The following DLGAP2 variants were observed in gnomAD, a reference collection of about 807,000 sequenced individuals.
The protein encoded by DLGAP2 is disks large-associated protein 2.
In DLGAP2, 26 loss-of-function variants were observed where a neutral mutation model predicts 100.3. The ratio of observed to expected loss-of-function variants is 0.26; its 90% CI spans 0.19 to 0.36. The LOEUF is 0.36. Among genes scored for constraint, DLGAP2 ranks in the 10% least tolerant of loss-of-function variants. The pLI is 1.00. For synonymous variants in DLGAP2, 886 were observed against 630.1 expected, an observed-to-expected ratio of 1.41 and a Z score of -6.08; for missense variants, 1,858 against 1,453.2, an observed-to-expected ratio of 1.28 and a Z score of -4.53.
chr8:1,641,644 G>C (rs1454268302), intron 8 of DLGAP2, among the ~76,000 whole-genome samples: 1 of 152,082 alleles, frequency 6.6e-6, no homozygotes, highest in African/African-American at 2.4e-5. Flanking sequence ...CATGTGTATG[G>C]GGATGGAGTC....
At chr8:837,652 T>C (rs1460449148) in intron 1 of DLGAP2, among the ~76,000 whole-genome samples, 1 of 140,122 alleles carries the variant, frequency 7.1e-6, no homozygotes, top group African/African-American at 2.5e-5. Flanking sequence ...TTGTAGAAAT[T>C]TGTTTGTGTG....
At chr8:1,152,055 C>T (rs1204981944) in intron 2 of DLGAP2, among the ~76,000 whole-genome samples, 2 of 152,196 alleles carry the variant, frequency 1.3e-5, no homozygotes, top group Admixed American at 1.3e-4. Flanking sequence ...TAGAAGATGA[C>T]AACTATATTC....
At position 1,076,929 on chromosome 8, in the gene DLGAP2, G is replaced by A. The variant is rs568038110; in HGVS notation, c.73+168963G>A. 6.1e-4 allele frequency among the ~76,000 whole-genome samples: 88 copies of A among 144,936 alleles called. 1 individual carries two copies. The highest frequency in any genetic ancestry group is 1.2e-3 in the Non-Finnish European group (81 of 66,110). ...CCCCCCCCAAGACCAAGAGGAGGAG[G>A]AGGAGTCTGTCCCGGGCCCCCCAAG... On this transcript the variant is annotated intron_variant, in intron 2 of 14. Coordinates refer to ENST00000637795, the MANE Select transcript of DLGAP2 (RefSeq NM_001346810.2).
At chr8:1,069,085 G>C (rs1803348470) in intron 2 of DLGAP2, among the ~76,000 whole-genome samples, 1 of 152,236 alleles carries the variant, frequency 6.6e-6, no homozygotes, top group South Asian at 2.1e-4. Flanking sequence ...CCCTGCACTA[G>C]ACACACATTT....
intron 3 of DLGAP2, among the ~76,000 whole-genome samples, chr8:1,374,280 C>T (rs1382946819): frequency 2.0e-5 from 3 of 152,132 alleles, no homozygotes; most frequent in Non-Finnish European, 4.4e-5. Flanking sequence ...TTACAGAAGG[C>T]TGTGTGGTGG....
intron 3 of DLGAP2, among the ~76,000 whole-genome samples, chr8:1,407,397 A>G (rs1206540477): frequency 8.4e-6 from 1 of 118,450 alleles, no homozygotes; most frequent in Non-Finnish European, 1.8e-5. Context: ...TCCTGTATTG[A>G]GTGCTTACTG....
intron 2 of DLGAP2, among the ~76,000 whole-genome samples, chr8:908,524 G>A (rs1798424097): frequency 6.6e-6 from 1 of 152,148 alleles, no homozygotes; most frequent in South Asian, 2.1e-4. Context: ...GCTGGTGGTT[G>A]TGAGGAAGTG....
intron 3 of DLGAP2, among the ~76,000 whole-genome samples, chr8:1,287,166 G>C (rs572030278): frequency 2.5e-5 from 3 of 121,840 alleles, no homozygotes; most frequent in African/African-American, 8.4e-5. Flanking sequence ...GTGCGCGCGC[G>C]CGCGTGGTTC....
At chr8:1,508,276 A>G (rs1473917632) in intron 4 of DLGAP2, among the ~76,000 whole-genome samples, 2 of 90,448 alleles carry the variant, frequency 2.2e-5, no homozygotes, top group East Asian at 3.2e-4. Flanking sequence ...GCCCCCTGCC[A>G]TACCCCGCAA....
At chr8:953,697 G>C (rs187203580) in intron 2 of DLGAP2, among the ~76,000 whole-genome samples, 118 of 152,162 alleles carry the variant, frequency 7.8e-4, no homozygotes, top group African/African-American at 2.6e-3. Context: ...AGAAAGTGCC[G>C]AGTGGAGCTG....
intron 3 of DLGAP2, among the ~76,000 whole-genome samples, chr8:1,304,749 C>A (rs1800450504): frequency 6.6e-6 from 1 of 152,178 alleles, no homozygotes; most frequent in African/African-American, 2.4e-5. Context: ...AGCTAAGTAC[C>A]CCTTGCTACA....
chr8:1,353,136 T>A (rs569547395), intron 3 of DLGAP2, among the ~76,000 whole-genome samples: 5 of 152,284 alleles, frequency 3.3e-5, no homozygotes, highest in East Asian at 3.9e-4. Flanking sequence ...CCTAAGGGTG[T>A]CCATTTGCTT....
intron 1 of DLGAP2, among the ~76,000 whole-genome samples, chr8:779,540 T>G (rs1244959950): frequency 1.3e-5 from 2 of 151,450 alleles, no homozygotes; most frequent in East Asian, 3.9e-4. Context: ...CATAGTTCAC[T>G]GCAGCGTCTG....
At chr8:973,770 C>T (rs1327939701) in intron 2 of DLGAP2, among the ~76,000 whole-genome samples, 4 of 152,066 alleles carry the variant, frequency 2.6e-5, no homozygotes, top group Non-Finnish European at 4.4e-5. Flanking sequence ...ATACGCGCGG[C>T]TGAGCGGAGG....
intron 3 of DLGAP2, among the ~76,000 whole-genome samples, chr8:1,322,383 G>A (rs1403748173): frequency 6.6e-6 from 1 of 152,224 alleles, no homozygotes; most frequent in Non-Finnish European, 1.5e-5. Context: ...ATAGAGAAAT[G>A]TCCATGGAAA....
intron 3 of DLGAP2, among the ~76,000 whole-genome samples, chr8:1,453,283 G>A (rs1462309711): frequency 7.2e-5 from 11 of 152,186 alleles, no homozygotes. Flanking sequence ...GAAGCAGGAG[G>A]AGCCTGGGGA....
intron 2 of DLGAP2, among the ~76,000 whole-genome samples, chr8:1,027,669 C>G (rs1801846237): frequency 6.9e-6 from 1 of 145,636 alleles, no homozygotes; most frequent in Non-Finnish European, 1.5e-5. Context: ...CCGTTATTCT[C>G]CAGCTGGGGT....
chr8:1,314,498 A>C (rs1460768296), intron 3 of DLGAP2, among the ~76,000 whole-genome samples: 2 of 152,254 alleles, frequency 1.3e-5, no homozygotes, highest in Non-Finnish European at 2.9e-5. Context: ...CTCCATCCAA[A>C]AAATAACACT....
intron 1 of DLGAP2, among the ~76,000 whole-genome samples, chr8:828,793 TG>T (rs1796729320): frequency 6.6e-6 from 1 of 152,236 alleles, no homozygotes; most frequent in African/African-American, 2.4e-5. Flanking sequence ...GGGGAACTAA[TG>T]AATGTCCATA....
Sources: gnomAD v4.1 joint callset for allele counts (sites outside exome capture counted in the v4.1 genomes callset) on GRCh38, gnomAD v4.1.1 for gene constraint, MANE v1.5 for transcripts, NCBI Gene and HGNC (gene_info 2026-07-23, HGNC 2026-07-21) for gene names.